Variants in SLC6A6 observed in about 807,000 individuals in gnomAD.
SLC6A6 encodes the protein sodium- and chloride-dependent taurine transporter.
A neutral mutation model predicts 68.8 loss-of-function variants in SLC6A6; 16 were observed. The ratio of observed to expected loss-of-function variants is 0.23; its 90% CI spans 0.16 to 0.35. The LOEUF is 0.35. Ranked by LOEUF, SLC6A6 falls within the 10% of genes least tolerant of loss-of-function variation. The pLI, the probability that SLC6A6 is intolerant of heterozygous loss-of-function variation, is 1.00. For synonymous variants in SLC6A6, 312 were observed against 315.4 expected (o/e 0.99, Z 0.12); for missense variants, 474 against 802.8 (o/e 0.59, Z 4.95).
In SLC6A6 at chr3:14,468,224, T is replaced by A. The variant is rs1273147614; in HGVS notation, c.1096+12T>A. On this transcript the variant is annotated intron_variant, in intron 9 of 14. Coordinates refer to ENST00000622186, the MANE Select transcript of SLC6A6 (RefSeq NM_003043.6). The surrounding 1 kb of genome is among the most constrained non-coding windows in gnomAD (Gnocchi z 4.5). ...TGTGGCTGAGTCAGGTACGGTGGTA[T>A]CGGTGGCAGTGGTGGTGGGCACTGC... 6.2e-7 allele frequency: 1 copy of A among 1,610,816 alleles called. No individual in the cohort carries two copies. Among genetic ancestry groups the A allele is most frequent in the East Asian group, 2.2e-5 (1 of 44,814 alleles).
At chr3:14,431,540 C>G (rs1699724486) in intron 2 of SLC6A6, among the ~76,000 whole-genome samples, 1 of 152,124 alleles carries the variant, frequency 6.6e-6, no homozygotes, top group Non-Finnish European at 1.5e-5. Flanking sequence ...GGGCACAGCA[C>G]AAGCCAAGGG....
At chr3:14,421,695 A>G (rs1699489376) in intron 2 of SLC6A6, among the ~76,000 whole-genome samples, 1 of 152,186 alleles carries the variant, frequency 6.6e-6, no homozygotes. Context: ...TGATACCTAC[A>G]TCATCTTGTA....
rs1282238246 is a variant in SLC6A6 at position 14,472,803 on chromosome 3, G to A, written c.1209+486G>A. Among the ~76,000 whole-genome samples, 1 of 152,238 alleles carries A rather than the reference G, an allele frequency of 6.6e-6. No homozygotes were observed. The highest frequency in any genetic ancestry group is 1.5e-5 in the Non-Finnish European group (1 of 68,042). ...ATTGTCTGGGCCATCGTAATAAGTT[G>A]CAAGTGCCCAGGAGAAGCCTACGCC... On this transcript the variant is annotated intron_variant, in intron 10 of 14. Transcript: ENST00000622186. The surrounding 1 kb of genome is among the most constrained non-coding windows in gnomAD (Gnocchi z 4.5).
intron 1 of SLC6A6, among the ~76,000 whole-genome samples, chr3:14,409,650 A>AG (rs148155410): frequency 6.6e-6 from 1 of 152,186 alleles, no homozygotes; most frequent in Non-Finnish European, 1.5e-5. Context: ...TCAAGGAGGG[A>AG]GGGGAGATCC....
chr3:14,478,040 A>C (rs9863631), intron 11 of SLC6A6, among the ~76,000 whole-genome samples: 5,998 of 151,016 alleles, frequency 0.04, 422 homozygotes, highest in African/African-American at 0.14. Flanking sequence ...GGTCCCATTT[A>C]ACAGTTCTCC....
rs751088121 is a variant in SLC6A6 at position 14,441,412 on chromosome 3, G to A, written c.-11-2212G>A. Among the ~76,000 whole-genome samples, 10 of 152,248 alleles carry A rather than the reference G, an allele frequency of 6.6e-5. No homozygotes were observed. The South Asian group carries it at 1.9e-3, about 28-fold the overall frequency. On this transcript the variant is annotated intron_variant, in intron 2 of 14. Coordinates refer to ENST00000622186, the MANE Select transcript of SLC6A6 (RefSeq NM_003043.6). Reference sequence around the variant, plus strand: ...TAGGACTATTTTTACAGTAGCCATTGGCCTGTCGAATCCCGCGCCCGGCCC... The same window carrying A: ...TAGGACTATTTTTACAGTAGCCATTAGCCTGTCGAATCCCGCGCCCGGCCC...
Position 14,443,835 on chromosome 3 carries a change from C to T in SLC6A6, c.201C>T (p.Phe67=). Residue 67 remains phenylalanine, a synonymous_variant, in exon 3 of 15, where the codon TTC becomes TTT. Coordinates refer to ENST00000622186, the MANE Select transcript of SLC6A6 (RefSeq NM_003043.6). The part of the protein sequence containing the change: ...GFVGLGNVWR[F]PYLCYKNGGG... ...TGGGCTTGGGCAACGTCTGGCGCTT[C>T]CCGTACCTCTGCTACAAGAATGGTG... 6.2e-7 allele frequency: 1 copy of T among 1,613,846 alleles called. No individual in the cohort carries two copies. The highest frequency in any genetic ancestry group is 8.5e-7 in the Non-Finnish European group (1 of 1,179,714).
intron 5 of SLC6A6, among the ~76,000 whole-genome samples, chr3:14,456,171 T>A (rs191174071): frequency 1.2e-4 from 19 of 152,326 alleles, no homozygotes; most frequent in Admixed American, 1.2e-3. Flanking sequence ...TCAGATGAGA[T>A]AAACTGAAAA....
chr3:14,481,870 G>A lies in SLC6A6; in HGVS notation c.1722+29G>A. On this transcript the variant is annotated intron_variant, in intron 14 of 14. Transcript: ENST00000622186. This position sits in a 1 kb window ranked among gnomAD's most constrained non-coding sequence, Gnocchi z 4.7. ...AGTGCTTGGGCCCAGGGCCAGGGGA[G>A]GTGGGAGGCGCGAGGCCAAAGGTGA... 1 of 1,598,380 alleles carries A rather than the reference G, an allele frequency of 6.3e-7. No individual in the cohort carries two copies. The highest frequency in any genetic ancestry group is 8.6e-7 in the Non-Finnish European group (1 of 1,168,502).
At chr3:14,428,139 C>T (rs964047380) in intron 2 of SLC6A6, among the ~76,000 whole-genome samples, 1 of 152,192 alleles carries the variant, frequency 6.6e-6, no homozygotes, top group Non-Finnish European at 1.5e-5. Context: ...CCCAGGATCC[C>T]CCAGTCACAT....
chr3:14,409,152 G>C (rs1313658492), intron 1 of SLC6A6, among the ~76,000 whole-genome samples: 1 of 152,176 alleles, frequency 6.6e-6, no homozygotes, highest in African/African-American at 2.4e-5. Context: ...ACTGTTCTTG[G>C]TTCTGCCACT....
At chr3:14,483,619 T>C (rs1173972135) in intron 14 of SLC6A6, among the ~76,000 whole-genome samples, 1 of 152,130 alleles carries the variant, frequency 6.6e-6, no homozygotes, top group African/African-American at 2.4e-5. Flanking sequence ...CTGGAGAAGG[T>C]GCTACAAGGA....
chr3:14,414,139 C>T (rs1006789356), intron 1 of SLC6A6, among the ~76,000 whole-genome samples: 12 of 152,196 alleles, frequency 7.9e-5, no homozygotes, highest in African/African-American at 2.7e-4. Flanking sequence ...CTCTGTCTCC[C>T]GGCTCCGGGT....
chr3:14,439,371 C>T (rs902311986), intron 2 of SLC6A6, among the ~76,000 whole-genome samples: 11 of 152,220 alleles, frequency 7.2e-5, no homozygotes, highest in Non-Finnish European at 1.6e-4. Flanking sequence ...AGGGAGACAG[C>T]AAAGGGATAT....
chr3:14,434,109 C>T (rs1222146667), intron 2 of SLC6A6, among the ~76,000 whole-genome samples: 3 of 152,190 alleles, frequency 2.0e-5, no homozygotes, highest in Non-Finnish European at 2.9e-5. Context: ...ACAGTGTTCC[C>T]CCAGTTCTTT....
chr3:14,449,516 C>T (rs993808612), intron 5 of SLC6A6, among the ~76,000 whole-genome samples: 2 of 152,192 alleles, frequency 1.3e-5, no homozygotes, highest in Non-Finnish European at 2.9e-5. Context: ...GGCACTCAGC[C>T]AGTTACTGAA....
intron 4 of SLC6A6, 119 bp from the exon 5 acceptor site, chr3:14,447,463 G>A (rs1307625484): frequency 1.6e-6 from 2 of 1,282,784 alleles, no homozygotes; most frequent in Non-Finnish European, 2.2e-6. Flanking sequence ...GGTGGTCACT[G>A]TTGAAAGGCC....
chr3:14,433,945 C>G (rs1574926983), intron 2 of SLC6A6, among the ~76,000 whole-genome samples: 1 of 152,158 alleles, frequency 6.6e-6, no homozygotes, highest in East Asian at 1.9e-4. Context: ...GCGTTGAGCC[C>G]TCACTGGGGC....
intron 1 of SLC6A6, among the ~76,000 whole-genome samples, chr3:14,405,723 T>C (rs1699093193): frequency 6.6e-6 from 1 of 152,232 alleles, no homozygotes; most frequent in African/African-American, 2.4e-5. Flanking sequence ...TGGAAATGCC[T>C]AAGGAAGCCT....
Sources: gnomAD v4.1 joint callset for allele counts (sites outside exome capture counted in the v4.1 genomes callset) on GRCh38, gnomAD v4.1.1 for gene constraint, Gnocchi (gnomAD v3.1) non-coding constraint, MANE v1.5 for transcripts, NCBI Gene and HGNC (gene_info 2026-07-23, HGNC 2026-07-21) for gene names.